The following IQSEC1 variants were observed in gnomAD, a reference collection of about 807,000 sequenced individuals.
The protein encoded by IQSEC1 is IQ motif and Sec7 domain ArfGEF 1.
A neutral mutation model predicts 91.0 loss-of-function variants in IQSEC1; 31 were observed. That is an observed-to-expected ratio of 0.34 (90% CI 0.26 to 0.46). The LOEUF is 0.46. Among genes scored for constraint, IQSEC1 ranks in the 20% least tolerant of loss-of-function variants. The pLI is 1.00. For missense variants in IQSEC1, 1,388 were observed against 1,575.6 expected, an observed-to-expected ratio of 0.88 and a Z score of 2.02; for synonymous variants, 699 against 662.6, an observed-to-expected ratio of 1.05 and a Z score of -0.84.
At chr3:13,020,272 G>A (rs1314079972) in intron 1 of IQSEC1, among the ~76,000 whole-genome samples, 1 of 152,096 alleles carries the variant, frequency 6.6e-6, no homozygotes, top group Non-Finnish European at 1.5e-5. Context: ...AGGGGCAGGG[G>A]CAGGCAGCCG....
intron 2 of IQSEC1, among the ~76,000 whole-genome samples, chr3:13,154,555 C>G (rs1319395169): frequency 6.8e-6 from 1 of 146,208 alleles, no homozygotes; most frequent in East Asian, 2.0e-4. Context: ...CTTCAATACC[C>G]TGTTCTCCAT....
chr3:13,045,554 T>C (rs1303132767), intron 1 of IQSEC1, among the ~76,000 whole-genome samples: 1 of 152,164 alleles, frequency 6.6e-6, no homozygotes, highest in African/African-American at 2.4e-5. Context: ...CTCCATCCGA[T>C]GGAGGGCTGT....
At chr3:12,930,856 G>C (rs909234177) in intron 3 of IQSEC1, among the ~76,000 whole-genome samples, 6 of 152,126 alleles carry the variant, frequency 3.9e-5, no homozygotes, top group Admixed American at 3.9e-4. Context: ...AACTGCTTGT[G>C]GGGGTGAGGA....
At chr3:12,972,765 A>G (rs530328965) in intron 1 of IQSEC1, among the ~76,000 whole-genome samples, 1 of 152,268 alleles carries the variant, frequency 6.6e-6, no homozygotes, top group East Asian at 1.9e-4. Context: ...TGGCCACCAC[A>G]ATACAGCACC....
intron 1 of IQSEC1, chr3:13,022,184 GCT>G: frequency 8.1e-7 from 1 of 1,231,234 alleles, no homozygotes; most frequent in Non-Finnish European, 1.0e-6. Flanking sequence ...CCAGGGAACG[GCT>G]CTCTTCACGG....
intron 2 of IQSEC1, among the ~76,000 whole-genome samples, chr3:13,117,496 G>A (rs1388220068): frequency 4.0e-5 from 6 of 148,428 alleles, no homozygotes; most frequent in Non-Finnish European, 7.4e-5. Context: ...GCATGAACCC[G>A]GGAGGCAGAG....
At chr3:12,902,693 A>AAAAAAAC in intron 13 of IQSEC1, 80 bp downstream of exon 13, 1 of 738,346 alleles carries the variant, frequency 1.4e-6, no homozygotes, top group Non-Finnish European at 2.3e-6. Context: ...AAAAAAAAAA[A>AAAAAAAC]ACCAGGACAA....
chr3:13,212,726 C>T (rs920254275), intron 1 of IQSEC1, among the ~76,000 whole-genome samples: 4 of 152,200 alleles, frequency 2.6e-5, no homozygotes, highest in African/African-American at 4.8e-5. Flanking sequence ...GTGGTGGTAG[C>T]GGCACCTCCT....
chr3:13,172,862 C>T (rs976704572), intron 1 of IQSEC1, among the ~76,000 whole-genome samples: 1 of 152,196 alleles, frequency 6.6e-6, no homozygotes, highest in Admixed American at 6.5e-5. Flanking sequence ...ACATCTGGGC[C>T]TCAGTGTTCC....
chr3:13,055,218 C>G (rs148014179), intron 1 of IQSEC1, among the ~76,000 whole-genome samples: 16 of 152,380 alleles, frequency 1.1e-4, no homozygotes, highest in Non-Finnish European at 1.9e-4. Flanking sequence ...CTGGAACACT[C>G]CCTCCTCTGG....
intron 1 of IQSEC1, among the ~76,000 whole-genome samples, chr3:13,275,735 A>G (rs1173394293): frequency 2.0e-5 from 3 of 152,268 alleles, no homozygotes; most frequent in Admixed American, 2.0e-4. Context: ...ACAGGTCTCC[A>G]TCTCCTATTT....
rs1365328504 is a variant in IQSEC1, at chr3:12,935,628, G to A, written c.1388C>T (p.Ser463Phe). ...GCAGTTGATGGTATCGTTGGAGTTG[G>A]ACGTGCTGTTGATGCTGTCATTGTC... ...DGDNDSINST[S>F]NSNDTINCSS... Residue 463 changes from serine (S) to phenylalanine (F), a missense_variant, in exon 3 of 14, where the codon TCC (serine) becomes TTC (phenylalanine). By Grantham distance (155) the Ser-to-Phe change is radical (BLOSUM62 -2). Coordinates refer to ENST00000613206, the MANE Select transcript of IQSEC1 (RefSeq NM_001134382.3). The surrounding 1 kb of genome is among the most constrained non-coding windows in gnomAD (Gnocchi z 8.0). The A allele has an allele frequency of 6.2e-7, 1 of 1,614,126 alleles. No homozygotes were observed. Among genetic ancestry groups the A allele is most frequent in the South Asian group, 1.1e-5 (1 of 91,084 alleles).
chr3:13,221,689 C>T (rs968092085), intron 1 of IQSEC1, among the ~76,000 whole-genome samples: 1 of 152,272 alleles, frequency 6.6e-6, no homozygotes, highest in African/African-American at 2.4e-5. Flanking sequence ...GGGCTTCCAT[C>T]CCTCCAATGG....
chr3:13,176,412 C>T (rs951789814), intron 1 of IQSEC1, among the ~76,000 whole-genome samples: 3 of 152,218 alleles, frequency 2.0e-5, no homozygotes, highest in African/African-American at 7.2e-5. Flanking sequence ...ATGAGAGACA[C>T]CTTCTTCCAC....
chr3:13,113,335 G>A (rs1252150795), intron 2 of IQSEC1, among the ~76,000 whole-genome samples: 1 of 152,222 alleles, frequency 6.6e-6, no homozygotes, highest in Admixed American at 6.5e-5. Context: ...CATAGGCCCT[G>A]AGGCCAATCT....
chr3:12,972,949 C>G (rs1700977852), intron 1 of IQSEC1, among the ~76,000 whole-genome samples: 1 of 152,234 alleles, frequency 6.6e-6, no homozygotes, highest in African/African-American at 2.4e-5. Flanking sequence ...CAGCCCATCC[C>G]CCAGAACAGA....
At chr3:13,240,568 G>A (rs1695004867) in intron 1 of IQSEC1, among the ~76,000 whole-genome samples, 1 of 152,002 alleles carries the variant, frequency 6.6e-6, no homozygotes, top group African/African-American at 2.4e-5. Flanking sequence ...GCGCCAGTTG[G>A]TAGAGGGTCT....
chr3:12,911,841 G>A, intron 9 of IQSEC1, 113 bp from the exon 10 acceptor site: 1 of 741,806 alleles, frequency 1.3e-6, no homozygotes, highest in Admixed American at 2.0e-5. Flanking sequence ...ACAGGGACAA[G>A]CCCACGTGAG....
chr3:12,909,758 G>A lies in IQSEC1; in HGVS notation c.2417-324C>T, dbSNP rs140674845. Among the ~76,000 whole-genome samples the A allele has an allele frequency of 6.3e-3, 964 of 152,326 alleles. 11 individuals are homozygous for A. Among genetic ancestry groups the A allele is most frequent in the African/African-American group, 0.022 (921 of 41,564 alleles). Reference sequence around the variant, plus strand: ...AGTCTTCTCTAGTCATCTCAGTTCTGGACAGCAGTGAGCGCCATATTCTCC... The same window carrying A: ...AGTCTTCTCTAGTCATCTCAGTTCTAGACAGCAGTGAGCGCCATATTCTCC... On this transcript the variant is annotated intron_variant, in intron 10 of 13. Transcript: ENST00000613206. This position sits in a 1 kb window ranked among gnomAD's most constrained non-coding sequence, Gnocchi z 4.9.
Sources: gnomAD v4.1 joint callset for allele counts (sites outside exome capture counted in the v4.1 genomes callset) on GRCh38, gnomAD v4.1.1 for gene constraint, Gnocchi (gnomAD v3.1) non-coding constraint, MANE v1.5 for transcripts, NCBI Gene and HGNC (gene_info 2026-07-23, HGNC 2026-07-21) for gene names.